The following AGR3 variants were observed in gnomAD, a reference collection of about 807,000 sequenced individuals.
The protein encoded by AGR3 is anterior gradient 3, protein disulphide isomerase family member, also known as anterior gradient protein 3.
Under a neutral mutation model 24.5 loss-of-function variants are expected in AGR3, and 37 were observed. The ratio of observed to expected loss-of-function variants is 1.51; its 90% CI spans 1.16 to 1.99. AGR3 has a LOEUF of 1.99. Ranked by LOEUF, AGR3 falls within the 30% of genes most tolerant of loss-of-function variation. The pLI is 0.00. For missense variants in AGR3, 228 were observed against 191.1 expected (o/e 1.19, Z -1.14); for synonymous variants, 75 against 61.6 (o/e 1.22, Z -1.02).
At chr7:16,879,388 G>T (rs762398661) in intron 1 of AGR3, among the ~76,000 whole-genome samples, 1 of 152,150 alleles carries the variant, frequency 6.6e-6, no homozygotes, top group African/African-American at 2.4e-5. Context: ...TACTTTGCAC[G>T]TTAAGATAAA....
At chr7:16,863,491 C>T (rs1161992088) in intron 3 of AGR3, among the ~76,000 whole-genome samples, 1 of 151,938 alleles carries the variant, frequency 6.6e-6, no homozygotes, top group Non-Finnish European at 1.5e-5. Flanking sequence ...AAAATTCTTC[C>T]TCCTACTGCT....
intron 2 of AGR3, among the ~76,000 whole-genome samples, chr7:16,877,728 T>G (rs1046679136): frequency 1.1e-4 from 17 of 151,920 alleles, no homozygotes; most frequent in African/African-American, 3.9e-4. Context: ...CCGGGCATGG[T>G]GGCGGGCGCC....
At position 16,870,803 on chromosome 7, in the gene AGR3, T is replaced by C. The variant is rs542716602; in HGVS notation, c.173+2977A>G. Among the ~76,000 whole-genome samples, 94 of 152,274 alleles carry C rather than the reference T, an allele frequency of 6.2e-4. 2 individuals carry two copies. In the South Asian group the frequency reaches 0.013, roughly 21 times the overall value. The stretch of plus-strand genomic sequence containing the variant: ...GCTGGTGCTCCTTACTAATATGTTG[T>C]TTGTTTGTTACACCGATATTTGGAA... On this transcript the variant is annotated intron_variant, in intron 3 of 7. Coordinates refer to ENST00000310398, the MANE Select transcript of AGR3 (RefSeq NM_176813.5).
downstream of AGR3, among the ~76,000 whole-genome samples, chr7:16,857,249 A>G (rs1345596736): frequency 2.0e-5 from 3 of 152,224 alleles, no homozygotes; most frequent in Admixed American, 6.5e-5. Flanking sequence ...ATATGTGCAT[A>G]TTAAATGTTG....
intron 3 of AGR3, chr7:16,866,209 T>C: frequency 1.9e-6 from 1 of 530,896 alleles, no homozygotes; most frequent in South Asian, 1.5e-5. Context: ...GCAGTAATAG[T>C]AGAGATGTCT....
intron 3 of AGR3, chr7:16,865,321 A>AGC: frequency 8.6e-7 from 1 of 1,166,750 alleles, no homozygotes; most frequent in South Asian, 1.3e-5. Context: ...ATATCACCAG[A>AGC]ACATCCTTGA....
At chr7:16,879,551 T>C (rs947226988) in intron 1 of AGR3, among the ~76,000 whole-genome samples, 3 of 152,212 alleles carry the variant, frequency 2.0e-5, no homozygotes, top group Admixed American at 6.5e-5. Context: ...AAACTTTACC[T>C]CAAAATATAA....
intron 3 of AGR3, chr7:16,864,780 T>A: frequency 9.4e-7 from 1 of 1,061,782 alleles, no homozygotes; most frequent in Non-Finnish European, 1.5e-6. Flanking sequence ...AATGAGCATA[T>A]CCTCCGGCTT....
chr7:16,859,920 G>T (rs1010099796), intron 7 of AGR3, among the ~76,000 whole-genome samples: 8 of 151,634 alleles, frequency 5.3e-5, no homozygotes, highest in African/African-American at 1.9e-4. Context: ...GATCTTACAG[G>T]CACAGTTGTC....
At chr7:16,858,732 G>T (rs186975690), downstream of AGR3, among the ~76,000 whole-genome samples, 1 of 151,962 alleles carries the variant, frequency 6.6e-6, no homozygotes, top group Admixed American at 6.6e-5. Context: ...TTAGCCAGGT[G>T]TGGTGGTACA....
intron 3 of AGR3, among the ~76,000 whole-genome samples, chr7:16,867,722 A>C (rs150482968): frequency 1.3e-5 from 2 of 152,244 alleles, no homozygotes; most frequent in African/African-American, 2.4e-5. Context: ...TTTAGATTAC[A>C]CATGTGAGAT....
At chr7:16,880,658 A>C (rs1028281337) in intron 1 of AGR3, among the ~76,000 whole-genome samples, 1 of 151,462 alleles carries the variant, frequency 6.6e-6, no homozygotes, top group Non-Finnish European at 1.5e-5. Flanking sequence ...GGTGCCTGAT[A>C]AGAATTTCAG....
At position 16,860,501 on chromosome 7, in the gene AGR3, T is replaced by C. The variant is rs1343334266; in HGVS notation, c.450A>G (p.Leu150=). ...TTGAGATCATTTGTGAATACTTACATAGGGGTAAATCCCGAGGCTCATATG... is the reference window on the plus strand; with the variant it reads ...TTGAGATCATTTGTGAATACTTACACAGGGGTAAATCCCGAGGCTCATATG... ...LYTYEPRDLP[L]LIENMKKALR... is the part of the protein sequence containing the mutation. Residue 150 remains leucine (L), a splice_region_variant and synonymous_variant, in exon 7 of 8, where the codon CTA becomes CTG. Transcript: ENST00000310398. The C allele has an allele frequency of 6.2e-7, 1 of 1,609,084 alleles. No individual in the cohort carries two copies. Among genetic ancestry groups the C allele is most frequent in the Admixed American group, 1.7e-5 (1 of 60,010 alleles).
Position 16,881,943 on chromosome 7 carries a change from C to A in AGR3, c.-28+1G>T, listed in dbSNP as rs1254641649. 1 of 470,932 alleles carries A rather than the reference C, an allele frequency of 2.1e-6. No homozygotes were observed. Among genetic ancestry groups the A allele is most frequent in the Non-Finnish European group, 4.4e-6 (1 of 227,026 alleles). The allele number at this position is 470,932 out of a possible 1,614,324, so 29.2% of individuals were successfully genotyped here. A position where few individuals can be genotyped will look rare whatever the true frequency, so the allele number is the denominator to read the frequency against. On this transcript the variant is annotated splice_donor_variant, in intron 1 of 7. Coordinates refer to ENST00000310398, the MANE Select transcript of AGR3 (RefSeq NM_176813.5). LOFTEE classifies it low-confidence loss of function (5UTR_SPLICE). ...GTAATCTGGAAAATTTGCTTGCTTA[C>A]CTGACTTGGCCAGTGCTCTTGTTGG...
At chr7:16,865,760 C>T (rs1395848597) in intron 3 of AGR3, 1 of 753,484 alleles carries the variant, frequency 1.3e-6, no homozygotes, top group Non-Finnish European at 2.5e-6. Context: ...CATATGGAAG[C>T]TTGATTCAGT....
chr7:16,866,151 G>A, intron 3 of AGR3: 1 of 539,934 alleles, frequency 1.9e-6, no homozygotes, highest in South Asian at 1.5e-5. Context: ...TAATGTAGAA[G>A]GCTCATTTTT....
chr7:16,862,116 T>C (rs1289055829), intron 4 of AGR3, 56 bp from the exon 5 acceptor site: 1 of 1,286,540 alleles, frequency 7.8e-7, no homozygotes. Context: ...ACCTTTAATG[T>C]AACATAGCAA....
intron 3 of AGR3, among the ~76,000 whole-genome samples, chr7:16,870,526 G>A (rs1048436461): frequency 6.6e-6 from 1 of 151,810 alleles, no homozygotes; most frequent in African/African-American, 2.4e-5. Context: ...TGTTGTTGTT[G>A]CTACTGTTGG....
rs192584007 is a variant in AGR3, at chr7:16,866,546, A to C, written c.174-3884T>G. On this transcript the variant is annotated intron_variant, in intron 3 of 7. Transcript: ENST00000310398. ...TTTATAATTCTGATATATACTCTCC[A>C]TAGAAGCTGTACCAATTCATATTCT... is the stretch of plus-strand genomic sequence containing the variant. Among the ~76,000 whole-genome samples, 543 of 152,284 alleles carry C rather than the reference A, an allele frequency of 3.6e-3. 5 individuals carry two copies. The highest frequency in any genetic ancestry group is 0.014 in the South Asian group (68 of 4,830).
Sources: allele counts gnomAD v4.1 joint callset (sites outside exome capture counted in the v4.1 genomes callset), GRCh38; gene constraint gnomAD v4.1.1; transcripts MANE v1.5; gene names NCBI Gene and HGNC (gene_info 2026-07-23, HGNC 2026-07-21).